The following MAP7 variants were observed in gnomAD, a reference collection of about 807,000 sequenced individuals.
The protein encoded by MAP7 is microtubule associated protein 7.
Under a neutral mutation model 94.8 loss-of-function variants are expected in MAP7, and 52 were observed. The ratio of observed to expected loss-of-function variants is 0.55; its 90% CI spans 0.44 to 0.69. The LOEUF (loss-of-function observed/expected upper bound fraction) is 0.69, where lower values mean the gene tolerates loss of function less well. Among genes scored for constraint, MAP7 ranks in the 30% least tolerant of loss-of-function variants. The pLI, the probability that MAP7 is intolerant of heterozygous loss-of-function variation, is 0.00. For missense variants in MAP7, 940 were observed against 964.6 expected (o/e 0.97, Z 0.34); for synonymous variants, 350 against 357.0 (o/e 0.98, Z 0.22).
chr6:136,542,826 T>G (rs12525236), intron 1 of MAP7, among the ~76,000 whole-genome samples: 18,405 of 152,204 alleles, frequency 0.12, 1,249 homozygotes, highest in East Asian at 0.15. Context: ...CAACACCACC[T>G]CCAGGCTTTC....
At chr6:136,515,969 C>T (rs866117390) in intron 1 of MAP7, among the ~76,000 whole-genome samples, 9 of 152,080 alleles carry the variant, frequency 5.9e-5, no homozygotes, top group Admixed American at 5.2e-4. Context: ...TACGTGCATA[C>T]TAGACTCTGT....
At chr6:136,533,319 C>T (rs1246126081) in intron 1 of MAP7, among the ~76,000 whole-genome samples, 1 of 152,100 alleles carries the variant, frequency 6.6e-6, no homozygotes, top group Non-Finnish European at 1.5e-5. Context: ...AGAGAGTTTT[C>T]CCCTCAATGA....
At chr6:136,445,224 G>A (rs999283412) in intron 1 of MAP7, among the ~76,000 whole-genome samples, 4 of 152,120 alleles carry the variant, frequency 2.6e-5, no homozygotes, top group Non-Finnish European at 4.4e-5. Flanking sequence ...CTTTGAGGAC[G>A]GCTTCCCTCC....
At position 136,533,140 on chromosome 6, in the gene MAP7, C is replaced by T. The variant is rs574308174; in HGVS notation, c.67+17202G>A. Reference sequence around the variant, plus strand: ...ATACAAAATTAGCCGGGCATGGTGGCGCATGCCTGTAATCTCAGCTACTCG... The same window carrying T: ...ATACAAAATTAGCCGGGCATGGTGGTGCATGCCTGTAATCTCAGCTACTCG... On this transcript the variant is annotated intron_variant, in intron 1 of 17. Transcript: ENST00000354570. Among the ~76,000 whole-genome samples the T allele has an allele frequency of 1.2e-4, 19 of 152,236 alleles. No individual in the cohort carries two copies. In the East Asian group the frequency reaches 1.9e-3, roughly 15 times the overall value.
intron 3 of MAP7, 119 bp from the exon 4 acceptor site, chr6:136,389,636 T>C: frequency 1.2e-6 from 1 of 855,784 alleles, no homozygotes; most frequent in East Asian, 2.6e-5. Flanking sequence ...TTCTTTAGTT[T>C]TGTATTAACC....
intron 1 of MAP7, among the ~76,000 whole-genome samples, chr6:136,460,842 T>G (rs1279788949): frequency 4.6e-5 from 7 of 152,026 alleles, no homozygotes; most frequent in Admixed American, 1.3e-4. Flanking sequence ...ACAGAACACT[T>G]AATTTAATAG....
intron 1 of MAP7, among the ~76,000 whole-genome samples, chr6:136,470,568 G>T (rs1464446917): frequency 6.6e-6 from 1 of 152,090 alleles, no homozygotes; most frequent in Non-Finnish European, 1.5e-5. Context: ...TAGGTCTCCA[G>T]AATTTAGTCA....
At chr6:136,522,770 G>T (rs1034790482) in intron 1 of MAP7, among the ~76,000 whole-genome samples, 2 of 152,214 alleles carry the variant, frequency 1.3e-5, no homozygotes, top group Non-Finnish European at 2.9e-5. Flanking sequence ...AGTGGCTCAC[G>T]CCTGTAATCC....
chr6:136,532,852 C>T (rs1294127558), intron 1 of MAP7, among the ~76,000 whole-genome samples: 1 of 152,196 alleles, frequency 6.6e-6, no homozygotes, highest in Non-Finnish European at 1.5e-5. Flanking sequence ...CTGATGGTCC[C>T]GAGGTTTTAG....
chr6:136,523,688 A>AT lies in MAP7; in HGVS notation c.67+26653dup, dbSNP rs11410242. On this transcript the variant is annotated intron_variant, in intron 1 of 17. Coordinates refer to ENST00000354570, the MANE Select transcript of MAP7 (RefSeq NM_003980.6). Reference sequence around the variant, plus strand: ...GTTTGGACATCCTTATCAGCACAGGATTTTTTTCTCCCAGTATTCCTCCAA... The same window carrying AT: ...GTTTGGACATCCTTATCAGCACAGGATTTTTTTTCTCCCAGTATTCCTCCAA... 5.3e-3 allele frequency among the ~76,000 whole-genome samples: 801 copies of AT among 152,120 alleles called. 2 individuals carry two copies. The highest frequency in any genetic ancestry group is 0.019 in the African/African-American group (770 of 41,484).
At chr6:136,462,291 A>G (rs151321815) in intron 1 of MAP7, among the ~76,000 whole-genome samples, 199 of 152,288 alleles carry the variant, frequency 1.3e-3, no homozygotes, top group Non-Finnish European at 1.9e-3. Context: ...GGGGGCTTTT[A>G]ATGTATCATT....
chr6:136,412,167 G>C (rs561724574), intron 2 of MAP7, among the ~76,000 whole-genome samples: 1 of 152,288 alleles, frequency 6.6e-6, no homozygotes, highest in East Asian at 1.9e-4. Flanking sequence ...ACCCACCTCT[G>C]TAAGTCTCAA....
At chr6:136,376,818 T>A (rs74814523) in intron 7 of MAP7, among the ~76,000 whole-genome samples, 86 of 152,314 alleles carry the variant, frequency 5.6e-4, no homozygotes, top group African/African-American at 2.0e-3. Context: ...TATTCGCTCA[T>A]TGGGCACTGC....
Position 136,376,320 on chromosome 6 carries a change from G to C in MAP7, c.751+1435C>G, listed in dbSNP as rs145513297. Among the ~76,000 whole-genome samples, 203 of 149,050 alleles carry C rather than the reference G, an allele frequency of 1.4e-3. 5 individuals carry two copies. The East Asian group carries it at 0.037, about 27-fold the overall frequency. On this transcript the variant is annotated intron_variant, in intron 7 of 17. Transcript: ENST00000354570. ...TCACCGTGTTAGCCAGGATGGTCTCGATTTCCTGACCTCAACGATCTGCCC... is the reference window on the plus strand; with the variant it reads ...TCACCGTGTTAGCCAGGATGGTCTCCATTTCCTGACCTCAACGATCTGCCC...
chr6:136,393,796 A>C (rs1411798407), intron 3 of MAP7, among the ~76,000 whole-genome samples: 1 of 121,498 alleles, frequency 8.2e-6, no homozygotes, highest in Non-Finnish European at 1.6e-5. Flanking sequence ...ACATTCAGCA[A>C]AATTTTTTTT....
At chr6:136,545,408 T>C (rs1829653785) in intron 1 of MAP7, 1 of 152,256 alleles carries the variant, frequency 6.6e-6, no homozygotes, top group East Asian at 1.9e-4. Context: ...GAGCTCTTGT[T>C]AGAACTTGCA....
At chr6:136,533,299 A>G (rs1429505292) in intron 1 of MAP7, among the ~76,000 whole-genome samples, 3 of 152,144 alleles carry the variant, frequency 2.0e-5, no homozygotes, top group Non-Finnish European at 2.9e-5. Flanking sequence ...CCTACTGATA[A>G]AGATGAATAA....
intron 12 of MAP7, 41 bp from the exon 13 acceptor site, chr6:136,360,839 G>A (rs1451106627): frequency 1.2e-5 from 20 of 1,600,888 alleles, no homozygotes; most frequent in African/African-American, 8.0e-5. Context: ...ACAAACAGGC[G>A]GGCTGCCCGG....
chr6:136,523,384 T>C (rs779880181), intron 1 of MAP7, among the ~76,000 whole-genome samples: 21 of 152,218 alleles, frequency 1.4e-4, no homozygotes, highest in Non-Finnish European at 1.9e-4. Context: ...TGGTCACATG[T>C]GGCTATTTAA....
Sources: allele counts gnomAD v4.1 joint callset (sites outside exome capture counted in the v4.1 genomes callset), GRCh38; gene constraint gnomAD v4.1.1; transcripts MANE v1.5; gene names NCBI Gene and HGNC (gene_info 2026-07-23, HGNC 2026-07-21).